CORO2B: variants seen among roughly 807,000 people sequenced by gnomAD.
CORO2B encodes coronin-2B.
CORO2B carries 26 observed loss-of-function variants against 58.8 expected under a neutral mutation model. That is an observed-to-expected ratio of 0.44 (90% CI 0.32 to 0.61). The LOEUF is 0.61. CORO2B is among the 20% of genes least tolerant of loss of function. CORO2B has a pLI of 0.04. For synonymous variants in CORO2B, 242 were observed against 253.8 expected (o/e 0.95, Z 0.44); for missense variants, 460 against 645.1 (o/e 0.71, Z 3.11).
chr15:68,668,283 G>A (rs1377324804), intron 2 of CORO2B, among the ~76,000 whole-genome samples: 1 of 151,854 alleles, frequency 6.6e-6, no homozygotes, highest in Admixed American at 6.6e-5. Flanking sequence ...GGCTGGGGAG[G>A]GGGGCGCTAC....
At chr15:68,641,966 C>T (rs924074588) in intron 1 of CORO2B, among the ~76,000 whole-genome samples, 3 of 151,036 alleles carry the variant, frequency 2.0e-5, no homozygotes, top group East Asian at 3.9e-4. Flanking sequence ...TGGGTTCAAG[C>T]GATCTGTCCG....
chr15:68,680,858 G>A (rs1480533203), intron 2 of CORO2B, among the ~76,000 whole-genome samples: 1 of 152,224 alleles, frequency 6.6e-6, no homozygotes, highest in Admixed American at 6.5e-5. Flanking sequence ...CCCATGGGAA[G>A]CCCTCAGTAA....
rs977854269 is a variant in CORO2B, at chr15:68,718,908, G to A, written c.1080+98G>A. The A allele has an allele frequency of 1.4e-5, 15 of 1,104,460 alleles. No individual in the cohort carries two copies. In the African/African-American group the frequency reaches 1.8e-4, roughly 13 times the overall value. 68.4% of individuals were successfully genotyped at this position (1,104,460 alleles called of 1,614,324 possible). On this transcript the variant is annotated intron_variant, in intron 9 of 11. Transcript: ENST00000261861. ...CCCTGGAGAAACCCAGGTGAGAGAT[G>A]TGCTGTGAACTGGGGTCTTCAAACC...
intron 2 of CORO2B, among the ~76,000 whole-genome samples, chr15:68,651,425 A>G (rs929452898): frequency 2.6e-5 from 4 of 152,204 alleles, no homozygotes; most frequent in Admixed American, 6.5e-5. Flanking sequence ...TAGGAAGGAA[A>G]AGGGTCAGAT....
the CORO2B span, among the ~76,000 whole-genome samples, chr15:68,541,897 G>A: frequency 6.6e-6 from 1 of 152,100 alleles, no homozygotes; most frequent in African/African-American, 2.4e-5. Flanking sequence ...TGCGAACTCT[G>A]ACAGCCTGGG....
At chr15:68,647,689 C>CAAAAAAAA (rs3084725) in intron 2 of CORO2B, among the ~76,000 whole-genome samples, 1 of 122,776 alleles carries the variant, frequency 8.1e-6, no homozygotes, top group Admixed American at 8.6e-5. Flanking sequence ...AACTCCATCT[C>CAAAAAAAA]AAAAAAAAAA....
At chr15:68,690,776 A>G (rs1423436204) in intron 2 of CORO2B, among the ~76,000 whole-genome samples, 5 of 151,330 alleles carry the variant, frequency 3.3e-5, no homozygotes, top group South Asian at 2.1e-4. Flanking sequence ...CAGCCTCCCA[A>G]GTAGCTGGGA....
chr15:68,528,182 G>A, the CORO2B span, among the ~76,000 whole-genome samples: 6 of 152,092 alleles, frequency 3.9e-5, no homozygotes. Context: ...TTGAATAGAA[G>A]TAATAAAAGC....
chr15:68,624,679 TTTTTTTC>T (rs1204157434), intron 1 of CORO2B, among the ~76,000 whole-genome samples: 3 of 151,422 alleles, frequency 2.0e-5, no homozygotes, highest in Admixed American at 6.6e-5. Flanking sequence ...TCTCTGTTTT[TTTTTTTC>T]TTTTCTTTTC....
chr15:68,563,907 G>T, the CORO2B span, among the ~76,000 whole-genome samples: 5 of 152,274 alleles, frequency 3.3e-5, no homozygotes, highest in Admixed American at 6.5e-5. Context: ...GGACCAGAAG[G>T]CTTCACTGGT....
chr15:68,677,753 C>T (rs1902635805), intron 2 of CORO2B, among the ~76,000 whole-genome samples: 1 of 152,212 alleles, frequency 6.6e-6, no homozygotes, highest in Admixed American at 6.5e-5. Context: ...GTTCCTCACC[C>T]ACTGCCCAGC....
chr15:68,710,712 A>C lies in CORO2B; in HGVS notation c.334-20A>C, dbSNP rs374520985. 6.3e-7 allele frequency: 1 copy of C among 1,576,772 alleles called. No individual in the cohort carries two copies. Among genetic ancestry groups the C allele is most frequent in the African/African-American group, 1.3e-5 (1 of 74,278 alleles). On this transcript the variant is annotated intron_variant, in intron 3 of 11. Transcript: ENST00000261861. The surrounding 1 kb of genome is among the most constrained non-coding windows in gnomAD (Gnocchi z 4.1). ...TCTTGGCCGTGTCCACCCAGCCTGG[A>C]CCCTCATCTCCCTCTGCAGGTGCGG...
At chr15:68,714,490 T>G in intron 6 of CORO2B, 69 bp from the exon 7 acceptor site, 1 of 1,225,472 alleles carries the variant, frequency 8.2e-7, no homozygotes, top group Non-Finnish European at 1.2e-6. Flanking sequence ...CTAAGAGGCC[T>G]TCCTGGGATT....
intron 1 of CORO2B, among the ~76,000 whole-genome samples, chr15:68,613,342 T>C (rs1284587040): frequency 1.3e-5 from 2 of 152,170 alleles, no homozygotes; most frequent in Non-Finnish European, 2.9e-5. Flanking sequence ...CTTCAGGGCT[T>C]CAAAAATCCG....
chr15:68,587,694 A>AGAGT (rs1899602502), intron 1 of CORO2B, among the ~76,000 whole-genome samples: 1 of 151,988 alleles, frequency 6.6e-6, no homozygotes, highest in Non-Finnish European at 1.5e-5. Context: ...CATATACAAT[A>AGAGT]TGTTTTATAT....
the CORO2B span, among the ~76,000 whole-genome samples, chr15:68,529,047 A>G: frequency 1.6e-4 from 24 of 152,206 alleles, no homozygotes; most frequent in Non-Finnish European, 2.2e-4. Flanking sequence ...CTCAACAACT[A>G]CTAGATATCT....
intron 8 of CORO2B, among the ~76,000 whole-genome samples, chr15:68,716,956 C>A (rs550606766): frequency 3.9e-5 from 6 of 152,132 alleles, no homozygotes; most frequent in African/African-American, 1.4e-4. Context: ...GGGGAGGGTT[C>A]TTTTTCTTGA....
At chr15:68,648,285 T>C (rs1212336377) in intron 2 of CORO2B, among the ~76,000 whole-genome samples, 6 of 146,004 alleles carry the variant, frequency 4.1e-5, no homozygotes, top group Admixed American at 3.5e-4. Context: ...GTGGGCGAGA[T>C]TGCGCTACTG....
chr15:68,632,214 C>T, intron 1 of CORO2B: 1 of 985,526 alleles, frequency 1.0e-6, no homozygotes, highest in Non-Finnish European at 1.2e-6. Flanking sequence ...TATTCATCCA[C>T]ACGGCCCATC....
Sources: allele counts gnomAD v4.1 joint callset (sites outside exome capture counted in the v4.1 genomes callset), GRCh38; gene constraint gnomAD v4.1.1; non-coding constraint Gnocchi (gnomAD v3.1); transcripts MANE v1.5; gene names NCBI Gene and HGNC (gene_info 2026-07-23, HGNC 2026-07-21).